HSD17B2: variants seen among roughly 807,000 people sequenced by gnomAD.
HSD17B2 encodes hydroxysteroid 17-beta dehydrogenase 2, also known as 17-beta-hydroxysteroid dehydrogenase type 2.
HSD17B2 carries 32 observed loss-of-function variants against 26.9 expected under a neutral mutation model. The observed-to-expected ratio is 1.19, with a 90% CI of 0.90 to 1.60. The LOEUF (loss-of-function observed/expected upper bound fraction) is 1.60, where lower values mean the gene tolerates loss of function less well. Ranked by LOEUF, HSD17B2 falls within the 40% of genes most tolerant of loss-of-function variation. The pLI is 0.00. For synonymous variants in HSD17B2, 246 were observed against 186.7 expected (o/e 1.32, Z -2.59); for missense variants, 613 against 468.6 (o/e 1.31, Z -2.85).
At chr16:82,054,208 G>GAAAAAAAAAAAAAA (rs74264895) in intron 1 of HSD17B2, among the ~76,000 whole-genome samples, 1 of 85,700 alleles carries the variant, frequency 1.2e-5, no homozygotes, top group Admixed American at 1.4e-4. Flanking sequence ...CCCACATATC[G>GAAAAAAAAAAAAAA]AAAAAAAAAA....
At chr16:82,079,292 C>A (rs1038289095) in intron 3 of HSD17B2, among the ~76,000 whole-genome samples, 1 of 152,144 alleles carries the variant, frequency 6.6e-6, no homozygotes, top group South Asian at 2.1e-4. Context: ...AACAGAAATT[C>A]CTTTTCTCAC....
intron 1 of HSD17B2, among the ~76,000 whole-genome samples, chr16:82,039,508 G>T (rs1296436211): frequency 6.6e-6 from 1 of 152,122 alleles, no homozygotes; most frequent in Non-Finnish European, 1.5e-5. Context: ...TTCATTGAGG[G>T]CCCAGTATGT....
chr16:82,097,597 G>A (rs931290284), intron 4 of HSD17B2: 2 of 152,110 alleles, frequency 1.3e-5, no homozygotes, highest in African/African-American at 4.8e-5. Flanking sequence ...TTTTCTGTAT[G>A]TAGGTTTAGA....
At chr16:82,083,250 C>A (rs1904429591) in intron 3 of HSD17B2, among the ~76,000 whole-genome samples, 1 of 152,142 alleles carries the variant, frequency 6.6e-6, no homozygotes, top group South Asian at 2.1e-4. Flanking sequence ...TAGAGTCAAC[C>A]ATGTCCTTCC....
chr16:82,088,244 G>A (rs568043251), intron 3 of HSD17B2, among the ~76,000 whole-genome samples: 38 of 152,254 alleles, frequency 2.5e-4, no homozygotes, highest in African/African-American at 4.1e-4. Context: ...CTAAGAAACC[G>A]TGAACATATG....
In HSD17B2 at chr16:82,041,201, T is replaced by C. The variant is rs558972690; in HGVS notation, c.265+5512T>C. Among the ~76,000 whole-genome samples, 35 of 152,346 alleles carry C rather than the reference T, an allele frequency of 2.3e-4. 2 individuals are homozygous for C. In the South Asian group the frequency reaches 2.7e-3, roughly 12 times the overall value. ...GGAACCAGGTCTCTTTTTATGACCA[T>C]GTGCCTCTTCTCAGTCTCTCAGCAC... is the stretch of plus-strand genomic sequence containing the variant. On this transcript the variant is annotated intron_variant, in intron 1 of 4. Coordinates refer to ENST00000199936, the MANE Select transcript of HSD17B2 (RefSeq NM_002153.3).
chr16:82,078,078 A>C (rs1486926127), intron 3 of HSD17B2, among the ~76,000 whole-genome samples: 1 of 152,222 alleles, frequency 6.6e-6, no homozygotes, highest in Non-Finnish European at 1.5e-5. Flanking sequence ...GATACAATCA[A>C]CAAAGTGAAG....
chr16:82,087,195 G>C (rs1567592249), intron 3 of HSD17B2, among the ~76,000 whole-genome samples: 1 of 152,150 alleles, frequency 6.6e-6, no homozygotes, highest in African/African-American at 2.4e-5. Context: ...AGAGGAATAA[G>C]TTACATAGAT....
intron 1 of HSD17B2, among the ~76,000 whole-genome samples, chr16:82,038,626 T>C (rs1451846228): frequency 1.3e-5 from 2 of 152,130 alleles, no homozygotes; most frequent in African/African-American, 2.4e-5. Context: ...AACCACAACA[T>C]AGTGGGAAAA....
intron 3 of HSD17B2, among the ~76,000 whole-genome samples, chr16:82,084,342 T>G (rs1904462690): frequency 6.6e-6 from 1 of 152,128 alleles, no homozygotes; most frequent in East Asian, 1.9e-4. Context: ...CACCCCTAAT[T>G]GTGACACGTC....
intron 1 of HSD17B2, among the ~76,000 whole-genome samples, chr16:82,054,701 C>A (rs988702592): frequency 6.6e-6 from 1 of 152,200 alleles, no homozygotes; most frequent in Non-Finnish European, 1.5e-5. Context: ...TTCCCAACCT[C>A]CAGAAATGTT....
chr16:82,043,978 C>A (rs1195471445), intron 1 of HSD17B2, among the ~76,000 whole-genome samples: 1 of 152,166 alleles, frequency 6.6e-6, no homozygotes, highest in East Asian at 1.9e-4. Context: ...TGCATGATTG[C>A]CCTTGAAACA....
intron 1 of HSD17B2, among the ~76,000 whole-genome samples, chr16:82,047,242 G>A (rs1209192994): frequency 2.0e-5 from 3 of 152,174 alleles, no homozygotes; most frequent in Admixed American, 6.5e-5. Context: ...AGTCATGCCC[G>A]GGGTTTGTTA....
chr16:82,041,215 G>C (rs2143913664), intron 1 of HSD17B2, among the ~76,000 whole-genome samples: 1 of 152,188 alleles, frequency 6.6e-6, no homozygotes, highest in East Asian at 1.9e-4. Flanking sequence ...CCTCTTCTCA[G>C]TCTCTCAGCA....
chr16:82,064,768 G>A (rs1377354454), intron 1 of HSD17B2, among the ~76,000 whole-genome samples: 1 of 152,182 alleles, frequency 6.6e-6, no homozygotes, highest in African/African-American at 2.4e-5. Context: ...CCAAGAAGAT[G>A]CTCGTCTATG....
intron 1 of HSD17B2, among the ~76,000 whole-genome samples, chr16:82,040,410 T>A (rs1208094482): frequency 1.3e-5 from 2 of 152,244 alleles, no homozygotes; most frequent in East Asian, 3.8e-4. Context: ...ACAACCCTAA[T>A]AATTCACATT....
At chr16:82,052,420 C>G (rs534034423) in intron 1 of HSD17B2, 8 of 152,336 alleles carry the variant, frequency 5.3e-5, no homozygotes, top group Admixed American at 3.3e-4. Flanking sequence ...TCAGAGCAAG[C>G]GAACTGTCAT....
At chr16:82,056,575 C>A (rs1459906312) in intron 1 of HSD17B2, 1 of 152,204 alleles carries the variant, frequency 6.6e-6, no homozygotes, top group Non-Finnish European at 1.5e-5. Flanking sequence ...GTGGGGACAA[C>A]TGGAAGGAGA....
intron 4 of HSD17B2, chr16:82,097,039 T>A (rs1054560153): frequency 6.6e-6 from 1 of 151,874 alleles, no homozygotes; most frequent in Non-Finnish European, 1.5e-5. Context: ...TTTTCTTTTC[T>A]TAAAATTGGA....
Sources: gnomAD v4.1 joint callset for allele counts (sites outside exome capture counted in the v4.1 genomes callset) on GRCh38, gnomAD v4.1.1 for gene constraint, MANE v1.5 for transcripts, NCBI Gene and HGNC (gene_info 2026-07-23, HGNC 2026-07-21) for gene names.